The following RAB10 variants were observed in gnomAD, a reference collection of about 807,000 sequenced individuals.
RAB10 encodes the protein ras-related protein Rab-10.
In RAB10, 5 loss-of-function variants were observed where a neutral mutation model predicts 25.7. That is an observed-to-expected ratio of 0.19 (90% CI 0.10 to 0.41). RAB10 has a LOEUF of 0.41. Ranked by LOEUF, RAB10 falls within the 10% of genes least tolerant of loss-of-function variation. RAB10 has a pLI of 1.00. For synonymous variants in RAB10, 89 were observed against 86.4 expected (o/e 1.03, Z -0.16); for missense variants, 103 against 245.8 (o/e 0.42, Z 3.89).
At chr2:26,120,064 C>G (rs1027209738) in intron 3 of RAB10, among the ~76,000 whole-genome samples, 4 of 152,118 alleles carry the variant, frequency 2.6e-5, no homozygotes, top group African/African-American at 9.7e-5. Context: ...CTTCATTGAT[C>G]ATTTATTTAT....
chr2:26,096,420 G>A lies in RAB10; in HGVS notation c.128-2242G>A, dbSNP rs190618004. 4.0e-4 allele frequency among the ~76,000 whole-genome samples: 33 copies of A among 83,140 alleles called. No individual in the cohort carries two copies. The East Asian group carries it at 0.015, about 37-fold the overall frequency. 54.5% of individuals were successfully genotyped at this position (83,140 alleles called of 152,430 possible). Reference sequence around the variant, plus strand: ...TGGGCGGATGGATGGCTGGATGGATGGCTGGCTGGCTGGATGGATGGATGG... The same window carrying A: ...TGGGCGGATGGATGGCTGGATGGATAGCTGGCTGGCTGGATGGATGGATGG... On this transcript the variant is annotated intron_variant, in intron 1 of 5. Transcript: ENST00000264710.
chr2:26,098,868 C>G, intron 2 of RAB10, 146 bp downstream of exon 2: 1 of 633,788 alleles, frequency 1.6e-6, no homozygotes, highest in Non-Finnish European at 2.7e-6. Context: ...GCAGTAAAAA[C>G]CATTGCATGG....
chr2:26,039,255 A>G (rs946360952), intron 1 of RAB10, among the ~76,000 whole-genome samples: 39 of 152,206 alleles, frequency 2.6e-4, no homozygotes, highest in Admixed American at 7.9e-4. Context: ...TCCTGACGTC[A>G]GGTGATCCGC....
At chr2:26,063,335 C>A (rs1452416990) in intron 1 of RAB10, among the ~76,000 whole-genome samples, 1 of 152,068 alleles carries the variant, frequency 6.6e-6, no homozygotes, top group Non-Finnish European at 1.5e-5. Flanking sequence ...CCTACTGATA[C>A]TCTGGAAAAA....
At chr2:26,069,214 G>A (rs1045532498) in intron 1 of RAB10, among the ~76,000 whole-genome samples, 28 of 152,144 alleles carry the variant, frequency 1.8e-4, no homozygotes, top group Non-Finnish European at 3.8e-4. Context: ...ATCAGCATTA[G>A]CAGGCCTTTG....
At chr2:26,041,590 A>G (rs543412849) in intron 1 of RAB10, among the ~76,000 whole-genome samples, 3 of 149,196 alleles carry the variant, frequency 2.0e-5, no homozygotes, top group East Asian at 2.0e-4. Context: ...TTGGCTTAAT[A>G]GGGCAAGACT....
intron 5 of RAB10, among the ~76,000 whole-genome samples, chr2:26,132,915 T>C (rs1362590544): frequency 2.6e-5 from 4 of 152,194 alleles, no homozygotes; most frequent in Non-Finnish European, 4.4e-5. Context: ...ACTGTACTTT[T>C]TTTTCTTGCT....
At chr2:26,108,382 A>G (rs1349578908) in intron 2 of RAB10, among the ~76,000 whole-genome samples, 1 of 152,248 alleles carries the variant, frequency 6.6e-6, no homozygotes, top group African/African-American at 2.4e-5. Flanking sequence ...TTATGGTGAA[A>G]GAAGTGTTAA....
chr2:26,112,047 T>C (rs1051796648), intron 3 of RAB10, among the ~76,000 whole-genome samples: 16 of 152,076 alleles, frequency 1.1e-4, no homozygotes, highest in Admixed American at 9.2e-4. Context: ...AAGTATACAA[T>C]TCAGGAACAG....
intron 1 of RAB10, among the ~76,000 whole-genome samples, chr2:26,078,625 G>A (rs758338226): frequency 1.1e-4 from 16 of 152,032 alleles, no homozygotes; most frequent in East Asian, 1.9e-4. Flanking sequence ...GAGGGGTTGC[G>A]GAAAAAGTAT....
intron 1 of RAB10, among the ~76,000 whole-genome samples, chr2:26,063,766 A>G (rs768050790): frequency 2.6e-5 from 4 of 152,052 alleles, no homozygotes; most frequent in Non-Finnish European, 4.4e-5. Flanking sequence ...TTTTTCGATG[A>G]GTCTTAATAG....
rs79322904 is a variant in RAB10, at chr2:26,035,069, T to C, written c.127+334T>C. The stretch of plus-strand genomic sequence containing the variant: ...GGAATTAGTAGATGTGTGATATTTT[T>C]AAGGTATTTATTTCAGTGGTTGCGA... On this transcript the variant is annotated intron_variant, in intron 1 of 5. Transcript: ENST00000264710. Among the ~76,000 whole-genome samples, 944 of 152,358 alleles carry C rather than the reference T, an allele frequency of 6.2e-3. 3 individuals carry two copies. Among genetic ancestry groups the C allele is most frequent in the African/African-American group, 0.022 (910 of 41,586 alleles).
chr2:26,113,685 G>A (rs1169089108), intron 3 of RAB10, among the ~76,000 whole-genome samples: 1 of 150,590 alleles, frequency 6.6e-6, no homozygotes, highest in Non-Finnish European at 1.5e-5. Context: ...CAAGAGCATG[G>A]CAAGAATATC....
chr2:26,110,656 CCTAA>C (rs1435979386), intron 3 of RAB10, among the ~76,000 whole-genome samples: 3 of 152,032 alleles, frequency 2.0e-5, no homozygotes, highest in Admixed American at 6.6e-5. Context: ...ATAGTAAAAA[CCTAA>C]CTAAGAAAAT....
At chr2:26,034,781 C>T (rs760113458) in intron 1 of RAB10, 46 bp downstream of exon 1, 1 of 1,607,292 alleles carries the variant, frequency 6.2e-7, no homozygotes, top group South Asian at 1.1e-5. Flanking sequence ...AGCTGCATAC[C>T]GTTTATTTTA....
At chr2:26,048,646 T>C (rs1336344977) in intron 1 of RAB10, among the ~76,000 whole-genome samples, 4 of 152,104 alleles carry the variant, frequency 2.6e-5, no homozygotes, top group African/African-American at 7.2e-5. Flanking sequence ...CCCAGCACTT[T>C]GGGAGGCCTA....
At chr2:26,124,689 G>A (rs529071067) in intron 3 of RAB10, among the ~76,000 whole-genome samples, 5 of 151,994 alleles carry the variant, frequency 3.3e-5, no homozygotes, top group African/African-American at 1.2e-4. Flanking sequence ...TTGTGCAACC[G>A]TCACCACCAT....
chr2:26,069,331 T>C (rs1428667610), intron 1 of RAB10, among the ~76,000 whole-genome samples: 1 of 152,182 alleles, frequency 6.6e-6, no homozygotes, highest in Non-Finnish European at 1.5e-5. Flanking sequence ...ACAGATTTTT[T>C]TCTATAATTT....
At chr2:26,099,250 G>C (rs1214297256) in intron 2 of RAB10, among the ~76,000 whole-genome samples, 1 of 151,946 alleles carries the variant, frequency 6.6e-6, no homozygotes, top group Non-Finnish European at 1.5e-5. Context: ...TTACTAAAAA[G>C]GACCCTGTGA....
Sources: allele counts gnomAD v4.1 joint callset (sites outside exome capture counted in the v4.1 genomes callset), GRCh38; gene constraint gnomAD v4.1.1; transcripts MANE v1.5; gene names NCBI Gene and HGNC (gene_info 2026-07-23, HGNC 2026-07-21).